Variants in CAMTA2 observed in about 807,000 individuals in gnomAD.
The protein encoded by CAMTA2 is calmodulin binding transcription activator 2.
In CAMTA2, 56 loss-of-function variants were observed where a neutral mutation model predicts 135.7. The observed-to-expected ratio is 0.41, with a 90% CI of 0.33 to 0.52. The LOEUF (loss-of-function observed/expected upper bound fraction) is 0.52. Ranked by LOEUF, CAMTA2 falls within the 20% of genes least tolerant of loss-of-function variation. The pLI is 0.16. For missense variants in CAMTA2, 1,358 were observed against 1,553.4 expected (o/e 0.87, Z 2.11); for synonymous variants, 591 against 604.6 (o/e 0.98, Z 0.33).
In CAMTA2 at chr17:4,973,091, C is replaced by T. The variant is rs1972404157; in HGVS notation, c.2280+84G>A. On this transcript the variant is annotated intron_variant, in intron 14 of 22. Coordinates refer to ENST00000348066, the MANE Select transcript of CAMTA2 (RefSeq NM_015099.4). ...CTTCAGGCCCCAGCCCACCCCACTC[C>T]CTGCATTCCTCAGGATCTTCCTTTT... 2.0e-6 allele frequency: 3 copies of T among 1,513,562 alleles called. No homozygotes were observed. In the South Asian group the frequency reaches 3.4e-5, roughly 17 times the overall value. The allele number at this position is 1,513,562 out of a possible 1,614,324, so 93.8% of individuals were successfully genotyped here. A position where few individuals can be genotyped will look rare whatever the true frequency, so the allele number is the denominator to read the frequency against.
Position 4,970,372 on chromosome 17 carries a change from A to T in CAMTA2, c.2973T>A (p.Asn991Lys), listed in dbSNP as rs769089277. 1.9e-6 allele frequency: 3 copies of T among 1,614,194 alleles called. No homozygotes were observed. The highest frequency in any genetic ancestry group is 2.5e-6 in the Non-Finnish European group (3 of 1,180,024). The change falls in exon 17 of 23, where the codon AAT (asparagine) becomes AAA (lysine). Residue 991 changes from asparagine to lysine, a missense_variant. By Grantham distance (94) the Asn-to-Lys change is moderately conservative. This residue lies in a region of CAMTA2 where 1,077 missense variants were observed against 1,127.5 expected (regional missense o/e 0.96). Transcript: ENST00000348066. The stretch of plus-strand genomic sequence containing the variant: ...GGGTTGAGCTGGGGAAATGGTCCAC[A>T]TTCTCCAGGTAGCTGGCCAGCCAGG... ...TMSWLASYLENVDHFPSSTPP... is the reference protein window; with the variant it reads ...TMSWLASYLEKVDHFPSSTPP...
chr17:4,975,885 T>A (rs1205821478), intron 11 of CAMTA2, among the ~76,000 whole-genome samples: 1 of 198 alleles, frequency 5.1e-3, no homozygotes, highest in Non-Finnish European at 0.011. Context: ...GAACAAAAAC[T>A]CCCAGATTTA....
intron 11 of CAMTA2, among the ~76,000 whole-genome samples, chr17:4,974,953 CTG>C (rs1313481545): frequency 5.3e-5 from 8 of 152,184 alleles, no homozygotes; most frequent in Non-Finnish European, 1.0e-4. Flanking sequence ...AGCTCAGGGA[CTG>C]TGATTTGAAA....
chr17:4,977,660 C>T (rs1015702607), intron 10 of CAMTA2, among the ~76,000 whole-genome samples: 3 of 152,194 alleles, frequency 2.0e-5, no homozygotes, highest in African/African-American at 7.2e-5. Context: ...TCTCCCAGTC[C>T]CCAGATTCTC....
intron 10 of CAMTA2, 153 bp from the exon 11 acceptor site, chr17:4,977,345 T>A (rs981891065): frequency 3.9e-5 from 34 of 865,292 alleles, no homozygotes; most frequent in Middle Eastern, 7.0e-4. Flanking sequence ...TGGCACTAAC[T>A]GGGAAGGGAG....
rs1972864456 is a variant in CAMTA2 at position 4,980,090 on chromosome 17, G to A, written c.1232C>T (p.Ser411Phe). Residue 411 changes from serine to phenylalanine, a missense_variant, in exon 9 of 23, where the codon TCT becomes TTT. Ser to Phe is a radical substitution (Grantham distance 155). Around this residue, in one of 4 missense-constraint regions of CAMTA2, gnomAD observed 1,077 missense variants for 1,127.5 expected, o/e 0.96. Coordinates refer to ENST00000348066, the MANE Select transcript of CAMTA2 (RefSeq NM_015099.4). The surrounding 1 kb of genome is among the most constrained non-coding windows in gnomAD (Gnocchi z 5.3). ...PEAEAAHTPC[S>F]ALEPAAALEP... is the part of the protein sequence containing the mutation. ...CAGGGCAGCAGCAGGCTCTAGGGCA[G>A]AACAGGGGGTATGAGCGGCCTCTGC... is the stretch of plus-strand genomic sequence containing the variant. The A allele has an allele frequency of 1.2e-6, 2 of 1,613,250 alleles. No individual in the cohort carries two copies. Among genetic ancestry groups the A allele is most frequent in the African/African-American group, 2.7e-5 (2 of 74,938 alleles).
chr17:4,971,270 C>T (rs759644984), intron 16 of CAMTA2, among the ~76,000 whole-genome samples: 10 of 152,286 alleles, frequency 6.6e-5, no homozygotes, highest in Middle Eastern at 3.4e-3. Context: ...AGCTGCCCTC[C>T]GTCATCTTGG....
Position 4,980,654 on chromosome 17 carries a change from T to A in CAMTA2, c.701-33A>T. On this transcript the variant is annotated intron_variant, in intron 8 of 22. Coordinates refer to ENST00000348066, the MANE Select transcript of CAMTA2 (RefSeq NM_015099.4). This position sits in a 1 kb window ranked among gnomAD's most constrained non-coding sequence, Gnocchi z 5.3. ...GGAGAGGAGTAGGAGGGAGAGGAGATAAGACACATCATTCCGCACCTTCTC... is the reference window on the plus strand; with the variant it reads ...GGAGAGGAGTAGGAGGGAGAGGAGAAAAGACACATCATTCCGCACCTTCTC... 2 of 1,470,950 alleles carry A rather than the reference T, an allele frequency of 1.4e-6. No individual in the cohort carries two copies. The highest frequency in any genetic ancestry group is 1.9e-6 in the Non-Finnish European group (2 of 1,053,256). The allele number at this position is 1,470,950 out of a possible 1,614,324, so 91.1% of individuals were successfully genotyped here. A position where few individuals can be genotyped will look rare whatever the true frequency, so the allele number is the denominator to read the frequency against.
rs778525673 is a variant in CAMTA2 at position 4,968,725 on chromosome 17, C to A, written c.*31G>T. 1 of 1,613,488 alleles carries A rather than the reference C, an allele frequency of 6.2e-7. No homozygotes were observed. The highest frequency in any genetic ancestry group is 1.3e-5 in the African/African-American group (1 of 74,932). ...TCCCTGTTAAGACTGCACGAGGCGCCCCCAGGGTGGTGAGAAAGGCGGTGG... is the reference window on the plus strand; with the variant it reads ...TCCCTGTTAAGACTGCACGAGGCGCACCCAGGGTGGTGAGAAAGGCGGTGG... On this transcript the variant is annotated 3_prime_UTR_variant, in exon 23 of 23. Coordinates refer to ENST00000348066, the MANE Select transcript of CAMTA2 (RefSeq NM_015099.4).
chr17:4,970,594 T>C, intron 16 of CAMTA2, 58 bp from the exon 17 acceptor site: 1 of 1,393,408 alleles, frequency 7.2e-7, no homozygotes, highest in Non-Finnish European at 1.0e-6. Context: ...AGCTGTAACC[T>C]CAGTCCATTC....
chr17:4,987,385 G>A, intron 1 of CAMTA2: 1 of 1,366,958 alleles, frequency 7.3e-7, no homozygotes, highest in Non-Finnish European at 9.4e-7. Context: ...GGGGGTCTCC[G>A]GGACAGTCCC....
Position 4,978,485 on chromosome 17 carries a change from C to T in CAMTA2, c.1765+19G>A, listed in dbSNP as rs149193769. 95 of 1,612,450 alleles carry T rather than the reference C, an allele frequency of 5.9e-5. 1 individual carries two copies. The highest frequency in any genetic ancestry group is 2.0e-4 in the East Asian group (9 of 44,854). ...GCCCACATGTCAGTCCCTCCCCCTACGGTTCCCAATCCTCATACCGGGACA... is the reference window on the plus strand; with the variant it reads ...GCCCACATGTCAGTCCCTCCCCCTATGGTTCCCAATCCTCATACCGGGACA... On this transcript the variant is annotated intron_variant, in intron 10 of 22. Coordinates refer to ENST00000348066, the MANE Select transcript of CAMTA2 (RefSeq NM_015099.4).
At chr17:4,987,089 T>C (rs1265544470) in intron 1 of CAMTA2, 5 of 1,383,726 alleles carry the variant, frequency 3.6e-6, no homozygotes, top group Admixed American at 3.6e-5. Flanking sequence ...GGCTCGGCTA[T>C]GTGCAGTGAA....
intron 16 of CAMTA2, among the ~76,000 whole-genome samples, chr17:4,971,923 A>G (rs1972312952): frequency 6.6e-6 from 1 of 152,152 alleles, no homozygotes; most frequent in Non-Finnish European, 1.5e-5. Context: ...TCCTGGCCTG[A>G]AGTGATCCAC....
chr17:4,969,037 C>T lies in CAMTA2; in HGVS notation c.3471-56G>A. On this transcript the variant is annotated intron_variant, in intron 21 of 22. Transcript: ENST00000348066. The surrounding 1 kb of genome is among the most constrained non-coding windows in gnomAD (Gnocchi z 5.6). ...AGAAGGCATCGCATGCCTTCGGCCC[C>T]CCCAGGAACCCTAGGCAGGGAATGG... The T allele has an allele frequency of 6.3e-7, 1 of 1,594,228 alleles. No individual in the cohort carries two copies. Among genetic ancestry groups the T allele is most frequent in the Non-Finnish European group, 8.6e-7 (1 of 1,165,316 alleles).
rs1567681346 is a variant in CAMTA2, at chr17:4,969,333, G to A, written c.3287C>T (p.Ala1096Val). ...CGCCTGGGTCATCTTCTTATAGAGT[G>A]CAAACTGCAGGGGTGGGGAGGAGGG... Reference protein sequence around the residue: ...KQLTWIALKFALYKKMTQAAI... With the variant: ...KQLTWIALKFVLYKKMTQAAI... Residue 1096 changes from alanine to valine, a missense_variant, in exon 21 of 23, where the codon GCA (alanine) becomes GTA (valine). By Grantham distance (64) the Ala-to-Val change is moderately conservative. Coordinates refer to ENST00000348066, the MANE Select transcript of CAMTA2 (RefSeq NM_015099.4). This position sits in a 1 kb window ranked among gnomAD's most constrained non-coding sequence, Gnocchi z 5.6. 9 of 1,613,838 alleles carry A rather than the reference G, an allele frequency of 5.6e-6. No individual in the cohort carries two copies. The highest frequency in any genetic ancestry group is 7.6e-6 in the Non-Finnish European group (9 of 1,179,850).
rs758213248 is a variant in CAMTA2, at chr17:4,974,449, C to T, written c.1952G>A (p.Arg651Gln). 1.2e-5 allele frequency: 19 copies of T among 1,613,912 alleles called. No homozygotes were observed. Among genetic ancestry groups the T allele is most frequent in the African/African-American group, 4.0e-5 (3 of 74,896 alleles). Reference sequence around the variant, plus strand: ...CCCAGCTGCTGCGATCTCTGCCATCCGCTTCTCCATCTGCTCCAGTCGCTC... The same window carrying T: ...CCCAGCTGCTGCGATCTCTGCCATCTGCTTCTCCATCTGCTCCAGTCGCTC... ...ILERLEQMEK[R>Q]MAEIAAAGQV... The change falls in exon 12 of 23, where the codon CGG (arginine) becomes CAG (glutamine). Residue 651 changes from arginine to glutamine, a missense_variant. This residue lies in a region of CAMTA2 where 1,077 missense variants were observed against 1,127.5 expected (regional missense o/e 0.96). Transcript: ENST00000348066.
In CAMTA2 at chr17:4,968,702, C is replaced by T. The variant is rs1203868348; in HGVS notation, c.*54G>A. On this transcript the variant is annotated 3_prime_UTR_variant, in exon 23 of 23. Coordinates refer to ENST00000348066, the MANE Select transcript of CAMTA2 (RefSeq NM_015099.4). ...TCCCCCTGCCCCAGAAAGCCCTCTC[C>T]CTGTTAAGACTGCACGAGGCGCCCC... 34 of 1,607,578 alleles carry T rather than the reference C, an allele frequency of 2.1e-5. 1 individual carries two copies. The Admixed American group carries it at 5.5e-4, about 26-fold the overall frequency.
intron 13 of CAMTA2, 108 bp downstream of exon 13, chr17:4,973,477 G>T: frequency 2.6e-6 from 3 of 1,156,010 alleles, no homozygotes; most frequent in Non-Finnish European, 3.7e-6. Context: ...TTCCCACAAT[G>T]ACCCCAACTC....
Sources: gnomAD v4.1 joint callset for allele counts (sites outside exome capture counted in the v4.1 genomes callset) on GRCh38, gnomAD v4.1.1 for gene constraint, gnomAD v4.1.1 regional missense constraint, Gnocchi (gnomAD v3.1) non-coding constraint, MANE v1.5 for transcripts, NCBI Gene and HGNC (gene_info 2026-07-23, HGNC 2026-07-21) for gene names.